UTS2B: variants seen among roughly 807,000 people sequenced by gnomAD.
UTS2B encodes the protein urotensin-2B.
UTS2B carries 21 observed loss-of-function variants against 19.2 expected under a neutral mutation model. The observed-to-expected ratio is 1.09, with a 90% CI of 0.78 to 1.58. The LOEUF is 1.58. Among genes scored for constraint, UTS2B ranks in the 40% most tolerant of loss-of-function variants. The pLI is 0.00. For synonymous variants in UTS2B, 57 were observed against 50.2 expected (o/e 1.14, Z -0.58); for missense variants, 138 against 130.3 (o/e 1.06, Z -0.29).
intron 2 of UTS2B, among the ~76,000 whole-genome samples, chr3:191,326,240 T>G (rs562313229): frequency 6.6e-6 from 1 of 152,314 alleles, no homozygotes; most frequent in Admixed American, 6.5e-5. Context: ...CAACAAATAT[T>G]TATTGAGTGC....
intron 2 of UTS2B, among the ~76,000 whole-genome samples, chr3:191,323,890 T>G (rs1717673476): frequency 6.6e-6 from 1 of 152,284 alleles, no homozygotes; most frequent in South Asian, 2.1e-4. Context: ...CATTTGAAAT[T>G]GACAAAGAAT....
At chr3:191,300,153 G>A (rs1319593461) in intron 4 of UTS2B, among the ~76,000 whole-genome samples, 4 of 152,180 alleles carry the variant, frequency 2.6e-5, no homozygotes, top group Middle Eastern at 3.4e-3. Flanking sequence ...TGGTTCAAGC[G>A]ATTCTCCCAG....
At chr3:191,332,145 G>C (rs963560978), upstream of UTS2B, among the ~76,000 whole-genome samples, 1 of 152,140 alleles carries the variant, frequency 6.6e-6, no homozygotes, top group Non-Finnish European at 1.5e-5. Context: ...ACCTTTTGTC[G>C]TGAACATTTC....
At chr3:191,287,057 G>A (rs892673659) in intron 4 of UTS2B, among the ~76,000 whole-genome samples, 1 of 152,036 alleles carries the variant, frequency 6.6e-6, no homozygotes, top group African/African-American at 2.4e-5. Context: ...ATTGAATCAT[G>A]AGGAAATAGA....
At chr3:191,340,328 T>A in the UTS2B span, among the ~76,000 whole-genome samples, 1 of 152,242 alleles carries the variant, frequency 6.6e-6, no homozygotes, top group African/African-American at 2.4e-5. Flanking sequence ...GTCCTTATAT[T>A]TCTGTAAATT....
Position 191,321,872 on chromosome 3 carries a change from C to T in UTS2B, c.-585-5433G>A, listed in dbSNP as rs547522727. On this transcript the variant is annotated intron_variant, in intron 2 of 8. Coordinates refer to ENST00000340524, the MANE Select transcript of UTS2B (RefSeq NM_198152.5). ...TGAAACCCCTCCTCTACTAAAAATA[C>T]AAAAATTAGCCAGGCGTGGTGGCGG... Among the ~76,000 whole-genome samples the T allele has an allele frequency of 3.9e-5, 6 of 152,186 alleles. No individual in the cohort carries two copies. In the East Asian group the frequency reaches 1.2e-3, roughly 29 times the overall value.
intron 1 of UTS2B, chr3:191,329,607 G>GGCCCCGCTCGGC (rs1717875173): frequency 4.6e-6 from 7 of 1,536,210 alleles, no homozygotes; most frequent in East Asian, 2.4e-5. Context: ...CTGCGCTCGG[G>GGCCCCGCTCGGC]GCCCCGCTCG....
At chr3:191,315,251 G>A (rs1717417353) in intron 3 of UTS2B, among the ~76,000 whole-genome samples, 1 of 152,144 alleles carries the variant, frequency 6.6e-6, no homozygotes, top group South Asian at 2.1e-4. Flanking sequence ...GACCTCAGGT[G>A]ATCTGCTCGC....
chr3:191,336,435 T>A, the UTS2B span, among the ~76,000 whole-genome samples: 1 of 152,288 alleles, frequency 6.6e-6, no homozygotes, highest in South Asian at 2.1e-4. Context: ...ATGTTGTGCC[T>A]TTTTTCTTGT....
chr3:191,276,765 A>C, intron 7 of UTS2B, 42 bp downstream of exon 7: 1 of 1,544,788 alleles, frequency 6.5e-7, no homozygotes, highest in Non-Finnish European at 8.9e-7. Context: ...TTTCCTTATA[A>C]TTGTTATTAA....
chr3:191,286,484 T>C (rs1460680394), intron 4 of UTS2B, among the ~76,000 whole-genome samples: 1 of 151,930 alleles, frequency 6.6e-6, no homozygotes, highest in African/African-American at 2.4e-5. Context: ...AATTCACAAA[T>C]ACATGGAAAT....
intron 4 of UTS2B, among the ~76,000 whole-genome samples, chr3:191,301,914 G>C (rs1444196388): frequency 6.6e-6 from 1 of 152,160 alleles, no homozygotes; most frequent in East Asian, 1.9e-4. Context: ...AATATTTATG[G>C]AGTTTTTATC....
At position 191,278,171 on chromosome 3, in the gene UTS2B, C is replaced by T; in HGVS notation, c.104-1G>A. The T allele has an allele frequency of 6.8e-7, 1 of 1,479,122 alleles. No individual in the cohort carries two copies. The allele number at this position is 1,479,122 out of a possible 1,614,324, so 91.6% of individuals were successfully genotyped here. On this transcript the variant is annotated splice_acceptor_variant, in intron 5 of 8. Coordinates refer to ENST00000340524, the MANE Select transcript of UTS2B (RefSeq NM_198152.5). LOFTEE classifies it high-confidence loss of function. ...TTTTTATCTGGAAATATTTCATTTC[C>T]TATAATGATCAAAAACCACCATTTT...
chr3:191,335,634 T>G, the UTS2B span, among the ~76,000 whole-genome samples: 1 of 152,076 alleles, frequency 6.6e-6, no homozygotes, highest in South Asian at 2.1e-4. Flanking sequence ...CACACATACA[T>G]TAAGTGTGTG....
At position 191,267,183 on chromosome 3, in the gene UTS2B, TTTAA is replaced by T; in HGVS notation, c.*1229_*1232del. 1 of 152,334 alleles carries T rather than the reference TTTAA, an allele frequency of 6.6e-6. No homozygotes were observed. Among genetic ancestry groups the T allele is most frequent in the African/African-American group, 2.4e-5 (1 of 41,582 alleles). 9.4% of individuals were successfully genotyped at this position (152,334 alleles called of 1,614,324 possible). ...CTTTCCAAGATGCTTTTCAAAATGTTTTAATTAATAGTTCAACAGCATAGTCACA... is the reference window on the plus strand; with the variant it reads ...CTTTCCAAGATGCTTTTCAAAATGTTTTAATAGTTCAACAGCATAGTCACA... On this transcript the variant is annotated 3_prime_UTR_variant, in exon 9 of 9. Transcript: ENST00000340524.
At chr3:191,323,229 C>A (rs1317227439) in intron 2 of UTS2B, among the ~76,000 whole-genome samples, 1 of 151,954 alleles carries the variant, frequency 6.6e-6, no homozygotes, top group Non-Finnish European at 1.5e-5. Flanking sequence ...TGCTCTGTTG[C>A]CCAGGCTAGA....
intron 8 of UTS2B, among the ~76,000 whole-genome samples, chr3:191,274,003 G>A (rs544642163): frequency 6.6e-6 from 1 of 152,238 alleles, no homozygotes; most frequent in Non-Finnish European, 1.5e-5. Context: ...TTGGGAGGCT[G>A]AGGCAGGAGA....
chr3:191,269,489 C>T (rs1025368087), intron 8 of UTS2B, among the ~76,000 whole-genome samples: 39 of 150,650 alleles, frequency 2.6e-4, no homozygotes, highest in Non-Finnish European at 4.6e-4. Context: ...TCACCTTCTT[C>T]TTTTTTTTCA....
intron 6 of UTS2B, among the ~76,000 whole-genome samples, chr3:191,277,145 G>T (rs1716259256): frequency 6.6e-6 from 1 of 152,070 alleles, no homozygotes; most frequent in African/African-American, 2.4e-5. Flanking sequence ...GCTGGCATGT[G>T]GAAATTCTCA....
Sources: gnomAD v4.1 joint callset for allele counts (sites outside exome capture counted in the v4.1 genomes callset) on GRCh38, gnomAD v4.1.1 for gene constraint, MANE v1.5 for transcripts, NCBI Gene and HGNC (gene_info 2026-07-23, HGNC 2026-07-21) for gene names.